The following CHST15 variants were observed in gnomAD, a reference collection of about 807,000 sequenced individuals.
The protein encoded by CHST15 is B cell RAG associated protein (GALNAC4S-6ST).
In CHST15, 30 loss-of-function variants were observed where a neutral mutation model predicts 53.6. The observed-to-expected ratio is 0.56, with a 90% CI of 0.42 to 0.76. CHST15 has a LOEUF of 0.76. Ranked by LOEUF, CHST15 falls within the 30% of genes least tolerant of loss-of-function variation. The pLI is 0.00. For synonymous variants in CHST15, 296 were observed against 289.8 expected (o/e 1.02, Z -0.22); for missense variants, 627 against 740.5 (o/e 0.85, Z 1.78).
chr10:124,015,233 T>C (rs998103146), intron 6 of CHST15, among the ~76,000 whole-genome samples: 1 of 152,112 alleles, frequency 6.6e-6, no homozygotes, highest in Non-Finnish European at 1.5e-5. Flanking sequence ...CCCTCACCTT[T>C]TCCCGGTATA....
rs149646823 is a variant in CHST15, at chr10:124,037,790, G to A, written c.1190+725C>T. The stretch of plus-strand genomic sequence containing the variant: ...CCTTTTGGTCTCTCAAGGAAAGCTG[G>A]AAACTGTACATTCAACGCAGACAAG... On this transcript the variant is annotated intron_variant, in intron 5 of 7. Transcript: ENST00000435907. Among the ~76,000 whole-genome samples the A allele has an allele frequency of 2.2e-3, 332 of 152,324 alleles. 11 individuals are homozygous for A. The highest frequency in any genetic ancestry group is 0.021 in the Admixed American group (321 of 15,304).
rs988184160 is a variant in CHST15, at chr10:124,008,978, A to T, written c.*1171T>A. 73 of 1,279,606 alleles carry T rather than the reference A, an allele frequency of 5.7e-5. No homozygotes were observed. The highest frequency in any genetic ancestry group is 7.0e-5 in the Non-Finnish European group (69 of 980,336). The allele number at this position is 1,279,606 out of a possible 1,614,324, so 79.3% of individuals were successfully genotyped here. A position where few individuals can be genotyped will look rare whatever the true frequency, so the allele number is the denominator to read the frequency against. ...TCTTAGAAACCTCATTCCAAATCTC[A>T]ACACGCCACGTTCAGCCCAAGTTCA... On this transcript the variant is annotated 3_prime_UTR_variant, in exon 8 of 8. Transcript: ENST00000435907.
At position 124,024,862 on chromosome 10, in the gene CHST15, G is replaced by A. The variant is rs191307697; in HGVS notation, c.1191-3450C>T. 6.6e-6 allele frequency among the ~76,000 whole-genome samples: 1 copy of A among 152,292 alleles called. No homozygotes were observed. Among genetic ancestry groups the A allele is most frequent in the Non-Finnish European group, 1.5e-5 (1 of 68,026 alleles). ...GGCTCACACATTTCCTATGAGTCCT[G>A]TCAATAATATGGCTCAGCCCAAGAA... is the stretch of plus-strand genomic sequence containing the variant. On this transcript the variant is annotated intron_variant, in intron 5 of 7. Coordinates refer to ENST00000435907, the MANE Select transcript of CHST15 (RefSeq NM_001270764.2). The surrounding 1 kb of genome is among the most constrained non-coding windows in gnomAD (Gnocchi z 4.0).
chr10:124,040,280 C>T (rs1004495978), intron 4 of CHST15, among the ~76,000 whole-genome samples: 26 of 152,178 alleles, frequency 1.7e-4, no homozygotes, highest in Admixed American at 1.6e-3. Flanking sequence ...GTGTCTAATC[C>T]GTGCTCAGCA....
intron 5 of CHST15, among the ~76,000 whole-genome samples, chr10:124,023,381 A>T (rs1275721600): frequency 1.3e-5 from 2 of 151,686 alleles, no homozygotes; most frequent in African/African-American, 2.4e-5. Flanking sequence ...GCTATTCTGG[A>T]GACTGAGGTG....
intron 1 of CHST15, among the ~76,000 whole-genome samples, chr10:124,070,462 T>C (rs1357751765): frequency 1.3e-5 from 2 of 152,198 alleles, no homozygotes; most frequent in Admixed American, 1.3e-4. Context: ...CACTGCAACC[T>C]CTGCCTCCCA....
rs191261969 is a variant in CHST15, at chr10:124,027,701, A to G, written c.1191-6289T>C. 2.2e-3 allele frequency among the ~76,000 whole-genome samples: 335 copies of G among 152,250 alleles called. 1 individual carries two copies. Among genetic ancestry groups the G allele is most frequent in the African/African-American group, 7.7e-3 (321 of 41,534 alleles). On this transcript the variant is annotated intron_variant, in intron 5 of 7. Coordinates refer to ENST00000435907, the MANE Select transcript of CHST15 (RefSeq NM_001270764.2). ...GCATGCATGCTCTGCGTCTATCTTC[A>G]CAACCCCATAATGAGATGTGGGCCA... is the stretch of plus-strand genomic sequence containing the variant.
At chr10:124,073,225 C>T (rs538775284) in intron 1 of CHST15, among the ~76,000 whole-genome samples, 21 of 152,252 alleles carry the variant, frequency 1.4e-4, no homozygotes, top group Admixed American at 3.9e-4. Flanking sequence ...CACAGTAGAA[C>T]GGACAAATAC....
intron 1 of CHST15, among the ~76,000 whole-genome samples, chr10:124,070,127 G>A (rs1948868044): frequency 6.6e-6 from 1 of 152,168 alleles, no homozygotes; most frequent in Non-Finnish European, 1.5e-5. Context: ...AGTAGTTGCT[G>A]TGTTGTCCAA....
At chr10:124,085,812 T>C (rs559110745) in intron 1 of CHST15, among the ~76,000 whole-genome samples, 21 of 152,174 alleles carry the variant, frequency 1.4e-4, no homozygotes, top group Admixed American at 7.8e-4. Context: ...GGGGAGCAGA[T>C]AGCAAGAATG....
intron 1 of CHST15, among the ~76,000 whole-genome samples, chr10:124,066,800 C>A (rs1948762811): frequency 6.6e-6 from 1 of 152,250 alleles, no homozygotes; most frequent in Non-Finnish European, 1.5e-5. Context: ...TCCAGCCCAG[C>A]CACAGCTCAT....
chr10:124,083,778 T>G (rs1390309665), intron 1 of CHST15, among the ~76,000 whole-genome samples: 1 of 152,236 alleles, frequency 6.6e-6, no homozygotes, highest in East Asian at 1.9e-4. Flanking sequence ...TGACTTTCAC[T>G]ATAATGCACT....
chr10:124,075,241 G>A (rs1167312743), intron 1 of CHST15, among the ~76,000 whole-genome samples: 1 of 152,192 alleles, frequency 6.6e-6, no homozygotes, highest in Non-Finnish European at 1.5e-5. Flanking sequence ...TCCCCACGGT[G>A]GGGAGGGTAC....
chr10:124,063,131 CCAGCACTT>C (rs576124263), intron 1 of CHST15, among the ~76,000 whole-genome samples: 2 of 152,214 alleles, frequency 1.3e-5, no homozygotes, highest in African/African-American at 4.8e-5. Context: ...GCCTGTAATC[CCAGCACTT>C]TAGGAGGCCG....
intron 7 of CHST15, among the ~76,000 whole-genome samples, chr10:124,011,976 C>G (rs1356480452): frequency 6.6e-6 from 1 of 152,182 alleles, no homozygotes; most frequent in Non-Finnish European, 1.5e-5. Flanking sequence ...TAGCTGGGAT[C>G]CCAAACCATC....
rs1011902855 is a variant in CHST15 at position 124,009,496 on chromosome 10, G to A, written c.*653C>T. 43 of 988,582 alleles carry A rather than the reference G, an allele frequency of 4.3e-5. No individual in the cohort carries two copies. Among genetic ancestry groups the A allele is most frequent in the Non-Finnish European group, 4.8e-5 (40 of 831,894 alleles). The allele number at this position is 988,582 out of a possible 1,614,324, so 61.2% of individuals were successfully genotyped here. ...CTTTTGGAAACAGTGACGTTAACAGGGTTTACATCTGAAGAAACTGGAGGG... is the reference window on the plus strand; with the variant it reads ...CTTTTGGAAACAGTGACGTTAACAGAGTTTACATCTGAAGAAACTGGAGGG... On this transcript the variant is annotated 3_prime_UTR_variant, in exon 8 of 8. Transcript: ENST00000435907.
chr10:124,066,556 AAC>A (rs74664614), intron 1 of CHST15, among the ~76,000 whole-genome samples: 5,947 of 152,294 alleles, frequency 0.039, 344 homozygotes, highest in East Asian at 0.21. Flanking sequence ...TTTGGATGAC[AAC>A]ACAGTCGATG....
At chr10:124,069,743 C>A (rs756848355) in intron 1 of CHST15, among the ~76,000 whole-genome samples, 2 of 152,224 alleles carry the variant, frequency 1.3e-5, no homozygotes, top group Non-Finnish European at 2.9e-5. Context: ...CAGAGGCCAG[C>A]CTGAGCCTGG....
intron 1 of CHST15, among the ~76,000 whole-genome samples, chr10:124,067,330 G>GTGCACTTT (rs1489804500): frequency 1.1e-4 from 16 of 152,198 alleles, no homozygotes; most frequent in Non-Finnish European, 4.4e-5. Flanking sequence ...ATCAGTGCAG[G>GTGCACTTT]TGCACTTCTG....
Sources: gnomAD v4.1 joint callset for allele counts (sites outside exome capture counted in the v4.1 genomes callset) on GRCh38, gnomAD v4.1.1 for gene constraint, Gnocchi (gnomAD v3.1) non-coding constraint, MANE v1.5 for transcripts, NCBI Gene and HGNC (gene_info 2026-07-23, HGNC 2026-07-21) for gene names.